Variants in ARHGEF4 observed in about 807,000 individuals in gnomAD.
The protein encoded by ARHGEF4 is Rho guanine nucleotide exchange factor 4.
ARHGEF4 carries 119 observed loss-of-function variants against 162.0 expected under a neutral mutation model. The ratio of observed to expected loss-of-function variants is 0.73; its 90% CI spans 0.63 to 0.86. The LOEUF (loss-of-function observed/expected upper bound fraction) is 0.86. Among genes scored for constraint, ARHGEF4 ranks in the 40% least tolerant of loss-of-function variants. ARHGEF4 has a pLI of 0.00. For synonymous variants in ARHGEF4, 1,014 were observed against 979.9 expected (o/e 1.03, Z -0.65); for missense variants, 2,488 against 2,456.0 (o/e 1.01, Z -0.28).
rs2105059719 is a variant in ARHGEF4 at position 130,917,093 on chromosome 2, A to G, written c.3147A>G (p.Glu1049=). The G allele has an allele frequency of 1.3e-6, 2 of 1,550,566 alleles. No individual in the cohort carries two copies. The highest frequency in any genetic ancestry group is 1.4e-5 in the African/African-American group (1 of 73,142). The change falls in exon 2 of 14, where the codon GAA becomes GAG. Residue 1049 remains glutamate, a synonymous_variant. Transcript: ENST00000409359. ...ACCTACCTTCAGGTATCTTTCCGGAAAAGTCCTGGCTGGCGTCCCCCGGCA... is the reference window on the plus strand; with the variant it reads ...ACCTACCTTCAGGTATCTTTCCGGAGAAGTCCTGGCTGGCGTCCCCCGGCA... The part of the protein sequence containing the change: ...GRYLPSGIFP[E]KSWLASPGSP...
intron 1 of ARHGEF4, among the ~76,000 whole-genome samples, chr2:130,886,288 GT>G (rs34910463): frequency 0.31 from 46,200 of 149,494 alleles, 9,637 homozygotes; most frequent in African/African-American, 0.57. Context: ...TCTCATTGCT[GT>G]TTTTTTTTGC....
At chr2:130,912,999 G>A (rs546280249) in intron 1 of ARHGEF4, among the ~76,000 whole-genome samples, 2 of 152,094 alleles carry the variant, frequency 1.3e-5, no homozygotes, top group South Asian at 4.2e-4. Flanking sequence ...TGCCTAATTT[G>A]TAGCTTACAC....
chr2:130,951,772 T>C (rs565486505), intron 4 of ARHGEF4, among the ~76,000 whole-genome samples: 5 of 152,360 alleles, frequency 3.3e-5, no homozygotes, highest in Admixed American at 6.5e-5. Flanking sequence ...AGATTTATAC[T>C]AGCTTAATTC....
At chr2:131,044,593 CCCGCCTGCCTGG>C (rs1166587741) in intron 12 of ARHGEF4, 51 bp downstream of exon 12, 3 of 1,523,866 alleles carry the variant, frequency 2.0e-6, no homozygotes, top group East Asian at 2.5e-5. Flanking sequence ...ACCCGGCGCT[CCCGCCTGCCTGG>C]CCGCCTGCCG....
intron 1 of ARHGEF4, among the ~76,000 whole-genome samples, chr2:130,869,947 G>A (rs555758250): frequency 2.0e-5 from 3 of 152,302 alleles, no homozygotes; most frequent in African/African-American, 4.8e-5. Flanking sequence ...CGTGGAACCC[G>A]GTGTGGCCAG....
At chr2:130,997,982 A>G (rs1687514419) in intron 4 of ARHGEF4, among the ~76,000 whole-genome samples, 1 of 152,066 alleles carries the variant, frequency 6.6e-6, no homozygotes. Flanking sequence ...CACCTGGGAT[A>G]GTGTCCAGCT....
chr2:130,868,608 CAG>C (rs777470632), intron 1 of ARHGEF4, among the ~76,000 whole-genome samples: 1 of 152,118 alleles, frequency 6.6e-6, no homozygotes, highest in Non-Finnish European at 1.5e-5. Context: ...AAGGCGAAAT[CAG>C]GGAGAGGCCA....
chr2:131,041,874 A>G lies in ARHGEF4; in HGVS notation c.4955A>G (p.Asn1652Ser). ...ATGAAGAACGTGGCCCAGCTCATCAACGAGCGGAAGCGGAGACTTGAGAAC... is the reference window on the plus strand; with the variant it reads ...ATGAAGAACGTGGCCCAGCTCATCAGCGAGCGGAAGCGGAGACTTGAGAAC... The part of the protein sequence containing the change: ...HAMKNVAQLI[N>S]ERKRRLENID... The change falls in exon 10 of 14, where the codon AAC becomes AGC. Residue 1652 changes from asparagine to serine, a missense_variant. Physicochemically the swap from Asn to Ser is conservative, Grantham distance 46. This residue lies in a region of ARHGEF4 where 415 missense variants were observed against 512.4 expected (regional missense o/e 0.81). Transcript: ENST00000409359. 1 of 1,613,684 alleles carries G rather than the reference A, an allele frequency of 6.2e-7. No individual in the cohort carries two copies. The highest frequency in any genetic ancestry group is 8.5e-7 in the Non-Finnish European group (1 of 1,180,028).
At chr2:130,936,251 G>T (rs1179728407) in intron 3 of ARHGEF4, among the ~76,000 whole-genome samples, 1 of 152,164 alleles carries the variant, frequency 6.6e-6, no homozygotes, top group African/African-American at 2.4e-5. Flanking sequence ...CTGACCTTAT[G>T]TCCGTTTATT....
intron 5 of ARHGEF4, among the ~76,000 whole-genome samples, chr2:131,028,346 G>A (rs1237744744): frequency 6.6e-6 from 1 of 152,160 alleles, no homozygotes; most frequent in Non-Finnish European, 1.5e-5. Context: ...CACCTTATGG[G>A]GCTGTCCTAG....
At chr2:131,038,746 A>C in intron 5 of ARHGEF4, 107 bp from the exon 6 acceptor site, 1 of 1,277,544 alleles carries the variant, frequency 7.8e-7, no homozygotes, top group Non-Finnish European at 1.1e-6. Flanking sequence ...CTCTGTAAAG[A>C]AGTCAGGATC....
intron 1 of ARHGEF4, among the ~76,000 whole-genome samples, chr2:130,897,933 AT>A (rs1184745040): frequency 1.3e-5 from 2 of 152,238 alleles, no homozygotes; most frequent in Admixed American, 6.5e-5. Flanking sequence ...GACAGAAACT[AT>A]TTTAGCTGCA....
Position 130,946,535 on chromosome 2 carries a change from T to G in ARHGEF4, c.3885T>G (p.Ser1295=), listed in dbSNP as rs750442037. 6.2e-7 allele frequency: 1 copy of G among 1,613,822 alleles called. No individual in the cohort carries two copies. Among genetic ancestry groups the G allele is most frequent in the Admixed American group, 1.7e-5 (1 of 59,994 alleles). Residue 1295 remains serine, a synonymous_variant, in exon 4 of 14, where the codon TCT becomes TCG. Transcript: ENST00000409359. The part of the protein sequence containing the change: ...VKCWRKTIIT[S]PESLNLPRRS... ...GCTGGAGAAAGACGATCATTACCTC[T>G]CCAGAGTCTTTGAATCTCCCTAGAA...
intron 6 of ARHGEF4, 29 bp from the exon 7 acceptor site, chr2:131,039,987 G>A: frequency 6.5e-7 from 1 of 1,547,256 alleles, no homozygotes; most frequent in Non-Finnish European, 8.7e-7. Flanking sequence ...AGGGATGCGG[G>A]GCACTGACCG....
chr2:130,964,279 G>C, intron 4 of ARHGEF4: 1 of 985,130 alleles, frequency 1.0e-6, no homozygotes, highest in South Asian at 4.7e-5. Context: ...CGCGCCGCAC[G>C]CGCCCTCCGC....
chr2:130,974,351 T>G (rs1473141004), intron 4 of ARHGEF4, among the ~76,000 whole-genome samples: 1 of 152,108 alleles, frequency 6.6e-6, no homozygotes, highest in African/African-American at 2.4e-5. Context: ...ACAATAATTT[T>G]TTTTCCTTAT....
Position 130,997,533 on chromosome 2 carries a change from C to T in ARHGEF4, c.3986-30412C>T, listed in dbSNP as rs1573565510. Among the ~76,000 whole-genome samples the T allele has an allele frequency of 3.3e-5, 5 of 152,294 alleles. No homozygotes were observed. In the Middle Eastern group the frequency reaches 0.014, roughly 414 times the overall value. On this transcript the variant is annotated intron_variant, in intron 4 of 13. Coordinates refer to ENST00000409359, the MANE Select transcript of ARHGEF4 (RefSeq NM_001367493.1). The stretch of plus-strand genomic sequence containing the variant: ...ATCACGTGCATTCTTCTCTGGTTTT[C>T]TGTCTTGAAGCAAACCCATCTTAAC...
At chr2:130,874,253 C>T (rs561685325) in intron 1 of ARHGEF4, among the ~76,000 whole-genome samples, 2 of 152,318 alleles carry the variant, frequency 1.3e-5, no homozygotes, top group East Asian at 1.9e-4. Context: ...AACTACAAGG[C>T]GGCTGTACCA....
chr2:130,876,620 C>A (rs1678865898), intron 1 of ARHGEF4, among the ~76,000 whole-genome samples: 1 of 152,202 alleles, frequency 6.6e-6, no homozygotes, highest in Non-Finnish European at 1.5e-5. Flanking sequence ...TCTCGATCTC[C>A]TGACCTTGTG....
Sources: gnomAD v4.1 joint callset for allele counts (sites outside exome capture counted in the v4.1 genomes callset) on GRCh38, gnomAD v4.1.1 for gene constraint, gnomAD v4.1.1 regional missense constraint, MANE v1.5 for transcripts, NCBI Gene and HGNC (gene_info 2026-07-23, HGNC 2026-07-21) for gene names.